The following IL1F10 variants were observed in gnomAD, a reference collection of about 807,000 sequenced individuals.
IL1F10 encodes interleukin-1 family member 10.
Under a neutral mutation model 13.1 loss-of-function variants are expected in IL1F10, and 13 were observed. The ratio of observed to expected loss-of-function variants is 0.99; its 90% CI spans 0.64 to 1.57. The LOEUF is 1.57. Among genes scored for constraint, IL1F10 ranks in the 40% most tolerant of loss-of-function variants. IL1F10 has a pLI of 0.00. For synonymous variants in IL1F10, 78 were observed against 68.2 expected (o/e 1.14, Z -0.71); for missense variants, 191 against 184.1 (o/e 1.04, Z -0.22).
intron 1 of IL1F10, 21 bp from the exon 2 acceptor site, chr2:113,072,690 C>T: frequency 6.4e-7 from 1 of 1,567,620 alleles, no homozygotes; most frequent in Non-Finnish European, 8.8e-7. Context: ...TTTCTAACTG[C>T]CCTTCTCTCC....
chr2:113,074,225 CGCCCAAATGCTCAAGGTGGTG>C lies in IL1F10; in HGVS notation c.33-103_33-83del. On this transcript the variant is annotated intron_variant, in intron 2 of 4. Coordinates refer to ENST00000341010, the MANE Select transcript of IL1F10 (RefSeq NM_173161.3). ...TTACCACCTGTGAAGGAGAGAAAAT[CGCCCAAATGCTCAAGGTGGTG>C]ATTCAGAGCATGGAAGTGGAAGGGC... The C allele has an allele frequency of 8.2e-6, 6 of 732,746 alleles. No individual in the cohort carries two copies. The South Asian group carries it at 9.6e-5, about 12-fold the overall frequency. 45.4% of individuals were successfully genotyped at this position (732,746 alleles called of 1,614,324 possible). A position where few individuals can be genotyped will look rare whatever the true frequency, so the allele number is the denominator to read the frequency against.
chr2:113,073,023 G>A (rs1484733376), intron 2 of IL1F10, among the ~76,000 whole-genome samples: 8 of 152,196 alleles, frequency 5.3e-5, no homozygotes, highest in African/African-American at 1.9e-4. Context: ...TACAGATCTG[G>A]AAGCTGAGGC....
chr2:113,075,569 C>A lies in IL1F10; in HGVS notation c.*205C>A. The stretch of plus-strand genomic sequence containing the variant: ...AAATGAGGAGACAATCCTGGGTTAT[C>A]CTTGTGGGCTCAGTTTAATCACAAG... On this transcript the variant is annotated 3_prime_UTR_variant, in exon 5 of 5. Transcript: ENST00000341010. The A allele has an allele frequency of 2.6e-6, 1 of 385,134 alleles. No individual in the cohort carries two copies. The highest frequency in any genetic ancestry group is 4.6e-6 in the Non-Finnish European group (1 of 217,674). 23.9% of individuals were successfully genotyped at this position (385,134 alleles called of 1,614,324 possible). A position where few individuals can be genotyped will look rare whatever the true frequency, so the allele number is the denominator to read the frequency against.
chr2:113,068,167 C>G (rs1355352325), intron 1 of IL1F10, among the ~76,000 whole-genome samples, 151 bp downstream of exon 1: 1 of 152,120 alleles, frequency 6.6e-6, no homozygotes, highest in South Asian at 2.1e-4. Flanking sequence ...GATGGGACAT[C>G]AAAAACATTT....
intron 1 of IL1F10, among the ~76,000 whole-genome samples, chr2:113,068,757 C>G (rs1309598920): frequency 7.2e-5 from 11 of 152,060 alleles, no homozygotes; most frequent in Admixed American, 7.2e-4. Flanking sequence ...ATCTTATAAA[C>G]TTTTATAAGG....
At chr2:113,071,127 C>T (rs748773314) in intron 1 of IL1F10, among the ~76,000 whole-genome samples, 6 of 152,148 alleles carry the variant, frequency 3.9e-5, no homozygotes, top group Admixed American at 6.5e-5. Flanking sequence ...TGCAACAACA[C>T]GAGTAACATT....
chr2:113,074,956 G>T, intron 4 of IL1F10, 106 bp downstream of exon 4: 1 of 1,414,518 alleles, frequency 7.1e-7, no homozygotes, highest in Non-Finnish European at 9.8e-7. Flanking sequence ...AGGTCCACAT[G>T]TCCTACTTCC....
rs1685916214 is a variant in IL1F10, at chr2:113,075,188, G to A, written c.283G>A (p.Glu95Lys). The change falls in exon 5 of 5, where the codon GAG becomes AAG. Residue 95 changes from glutamate to lysine, a missense_variant. By Grantham distance (56) the Glu-to-Lys change is moderately conservative. Coordinates refer to ENST00000341010, the MANE Select transcript of IL1F10 (RefSeq NM_173161.3). ...TGAGGAACTGTACAAAGGTGGTGAA[G>A]AGGCCACACGCTTCACCTTCTTCCA... ...NIEELYKGGE[E>K]ATRFTFFQSS... The A allele has an allele frequency of 6.2e-7, 1 of 1,613,078 alleles. No homozygotes were observed. The highest frequency in any genetic ancestry group is 8.5e-7 in the Non-Finnish European group (1 of 1,179,714).
intron 2 of IL1F10, among the ~76,000 whole-genome samples, chr2:113,073,743 G>T (rs1685887086): frequency 6.6e-6 from 1 of 152,148 alleles, no homozygotes; most frequent in African/African-American, 2.4e-5. Flanking sequence ...GGTGGAATTT[G>T]TCCAGAGGTT....
chr2:113,074,906 A>G, intron 4 of IL1F10, 56 bp downstream of exon 4: 1 of 1,578,436 alleles, frequency 6.3e-7, no homozygotes, highest in Admixed American at 1.8e-5. Flanking sequence ...GACCCCTGGG[A>G]TGCTCTGGCA....
chr2:113,075,575 G>A lies in IL1F10; in HGVS notation c.*211G>A. The A allele has an allele frequency of 2.7e-6, 1 of 374,804 alleles. No individual in the cohort carries two copies. 23.2% of individuals were successfully genotyped at this position (374,804 alleles called of 1,614,324 possible). On this transcript the variant is annotated 3_prime_UTR_variant, in exon 5 of 5. Coordinates refer to ENST00000341010, the MANE Select transcript of IL1F10 (RefSeq NM_173161.3). ...GGAGACAATCCTGGGTTATCCTTGTGGGCTCAGTTTAATCACAAGAAGGAG... is the reference window on the plus strand; with the variant it reads ...GGAGACAATCCTGGGTTATCCTTGTAGGCTCAGTTTAATCACAAGAAGGAG...
At chr2:113,070,093 T>C (rs1388120440) in intron 1 of IL1F10, among the ~76,000 whole-genome samples, 1 of 152,058 alleles carries the variant, frequency 6.6e-6, no homozygotes, top group Non-Finnish European at 1.5e-5. Flanking sequence ...CCAGATGCCA[T>C]GTCCAGGGAG....
chr2:113,069,690 G>A (rs1685798489), intron 1 of IL1F10, among the ~76,000 whole-genome samples: 1 of 152,174 alleles, frequency 6.6e-6, no homozygotes, highest in South Asian at 2.1e-4. Flanking sequence ...CTACATTTGG[G>A]AGCCATTAGC....
At position 113,074,753 on chromosome 2, in the gene IL1F10, T is replaced by C. The variant is rs773698518; in HGVS notation, c.149T>C (p.Leu50Ser). The change falls in exon 4 of 5, where the codon TTG becomes TCG. Residue 50 changes from leucine to serine, a missense_variant. Transcript: ENST00000341010. ...EKICILPNRG[L>S]ARTKVPIFLG... ...ATCTGCATACTTCCTAACAGAGGCT[T>C]GGCCCGCACCAAGGTCCCCATTTTC... is the stretch of plus-strand genomic sequence containing the variant. 1.2e-6 allele frequency: 2 copies of C among 1,613,878 alleles called. No individual in the cohort carries two copies. Among genetic ancestry groups the C allele is most frequent in the East Asian group, 4.5e-5 (2 of 44,878 alleles).
At chr2:113,070,186 G>A (rs562064999) in intron 1 of IL1F10, among the ~76,000 whole-genome samples, 50 of 152,138 alleles carry the variant, frequency 3.3e-4, no homozygotes, top group Non-Finnish European at 6.3e-4. Flanking sequence ...AGCTTTGGGG[G>A]TGAGGCATGT....
rs533273391 is a variant in IL1F10, at chr2:113,074,646, G to T, written c.119-77G>T. 16 of 1,569,556 alleles carry T rather than the reference G, an allele frequency of 1.0e-5. No individual in the cohort carries two copies. In the South Asian group the frequency reaches 1.7e-4, roughly 16 times the overall value. On this transcript the variant is annotated intron_variant, in intron 3 of 4. Coordinates refer to ENST00000341010, the MANE Select transcript of IL1F10 (RefSeq NM_173161.3). Reference sequence around the variant, plus strand: ...GTGTGCCCATGTCCAGTTCCTTCCTGCCTGAGCCTTTACCTGCCAAGAGCC... The same window carrying T: ...GTGTGCCCATGTCCAGTTCCTTCCTTCCTGAGCCTTTACCTGCCAAGAGCC...
chr2:113,074,661 T>C, intron 3 of IL1F10, 62 bp from the exon 4 acceptor site: 1 of 1,602,618 alleles, frequency 6.2e-7, no homozygotes, highest in Non-Finnish European at 8.5e-7. Context: ...AGCCTTTACC[T>C]GCCAAGAGCC....
At position 113,075,464 on chromosome 2, in the gene IL1F10, A is replaced by G. The variant is rs1269733795; in HGVS notation, c.*100A>G. On this transcript the variant is annotated 3_prime_UTR_variant, in exon 5 of 5. Transcript: ENST00000341010. Reference sequence around the variant, plus strand: ...ATAATGTCCCCCGAAATATGTCCACATCCTAATCCCAAGATCTGTGCATAT... The same window carrying G: ...ATAATGTCCCCCGAAATATGTCCACGTCCTAATCCCAAGATCTGTGCATAT... The G allele has an allele frequency of 2.4e-5, 20 of 832,100 alleles. No homozygotes were observed. The highest frequency in any genetic ancestry group is 3.8e-5 in the Non-Finnish European group (20 of 532,810). The allele number at this position is 832,100 out of a possible 1,614,324, so 51.5% of individuals were successfully genotyped here. A position where few individuals can be genotyped will look rare whatever the true frequency, so the allele number is the denominator to read the frequency against.
Position 113,072,569 on chromosome 2 carries a change from G to A in IL1F10, c.-28-142G>A. ...AGCCTGCTGGGCTGGTGGAAGCCTT[G>A]GTGGATTCTGGCAGGCCAATTATAG... On this transcript the variant is annotated intron_variant, in intron 1 of 4. Coordinates refer to ENST00000341010, the MANE Select transcript of IL1F10 (RefSeq NM_173161.3). 8.5e-6 allele frequency: 5 copies of A among 589,918 alleles called. No homozygotes were observed. In the Admixed American group the frequency reaches 9.0e-5, roughly 11 times the overall value. 36.5% of individuals were successfully genotyped at this position (589,918 alleles called of 1,614,324 possible). A position where few individuals can be genotyped will look rare whatever the true frequency, so the allele number is the denominator to read the frequency against.
Sources: allele counts gnomAD v4.1 joint callset (sites outside exome capture counted in the v4.1 genomes callset), GRCh38; gene constraint gnomAD v4.1.1; transcripts MANE v1.5; gene names NCBI Gene and HGNC (gene_info 2026-07-23, HGNC 2026-07-21).